ZNF675: variants seen among roughly 807,000 people sequenced by gnomAD.
The protein encoded by ZNF675 is TRAF6 inhibitory zinc finger.
In ZNF675, 36 loss-of-function variants were observed where a neutral mutation model predicts 56.1. The ratio of observed to expected loss-of-function variants is 0.64; its 90% CI spans 0.49 to 0.85. ZNF675 has a LOEUF of 0.85. Among genes scored for constraint, ZNF675 ranks in the 40% least tolerant of loss-of-function variants. ZNF675 has a pLI of 0.00. For synonymous variants in ZNF675, 200 were observed against 218.9 expected, an observed-to-expected ratio of 0.91 and a Z score of 0.76; for missense variants, 663 against 654.2, an observed-to-expected ratio of 1.01 and a Z score of -0.15.
At chr19:23,675,785 AG>A (rs2085011638) in intron 1 of ZNF675, among the ~76,000 whole-genome samples, 1 of 151,684 alleles carries the variant, frequency 6.6e-6, no homozygotes, top group African/African-American at 2.4e-5. Flanking sequence ...CCTAAATAAA[AG>A]AATGAGAGAA....
chr19:23,654,271 AT>A lies in ZNF675; in HGVS notation c.661del (p.Ile221PhefsTer56). ...QSSKLTKHKR[I>X]YTCEKLYKCQ... ...TTTGTAGAGTTTCTCACAAGTATAA[AT>A]TCTTTTATGTTTAGTAAGCTTTGAA... On this transcript the variant is annotated frameshift_variant, in exon 4 of 4. Transcript: ENST00000359788. LOFTEE classifies it high-confidence loss of function. The A allele has an allele frequency of 6.2e-7, 1 of 1,612,614 alleles. No individual in the cohort carries two copies. Among genetic ancestry groups the A allele is most frequent in the Non-Finnish European group, 8.5e-7 (1 of 1,179,698 alleles).
chr19:23,683,858 G>T (rs1021062052), intron 1 of ZNF675, among the ~76,000 whole-genome samples: 14 of 151,060 alleles, frequency 9.3e-5, no homozygotes, highest in African/African-American at 3.4e-4. Context: ...TTAACAAATA[G>T]AATATATAAT....
intron 1 of ZNF675, among the ~76,000 whole-genome samples, chr19:23,677,077 A>G (rs1211501128): frequency 5.6e-5 from 1 of 17,930 alleles, no homozygotes; most frequent in Non-Finnish European, 1.7e-4. Context: ...ACTGTCTCAG[A>G]AAAAAAAAAA....
intron 3 of ZNF675, among the ~76,000 whole-genome samples, chr19:23,659,450 A>G (rs1264529399): frequency 6.6e-6 from 1 of 152,142 alleles, no homozygotes; most frequent in African/African-American, 2.4e-5. Flanking sequence ...TCACACCTGT[A>G]ATGAAAGATA....
Position 23,662,189 on chromosome 19 carries a change from C to G in ZNF675, c.151G>C (p.Asp51His). The change falls in exon 3 of 4, where the codon GAC becomes CAC. Residue 51 changes from aspartate to histidine, a missense_variant. Transcript: ENST00000359788. ...VFLGIAVSKQ[D>H]LITCLEQEKE... ...TCTTGCTCCAGACAGGTGATCAGGT[C>G]TTGCTTAGAGACAGCAATACCTGTT... 1.9e-6 allele frequency: 3 copies of G among 1,612,178 alleles called. No individual in the cohort carries two copies. Among genetic ancestry groups the G allele is most frequent in the Non-Finnish European group, 2.5e-6 (3 of 1,179,186 alleles).
At chr19:23,665,514 G>A (rs934919337) in intron 1 of ZNF675, among the ~76,000 whole-genome samples, 3 of 151,936 alleles carry the variant, frequency 2.0e-5, no homozygotes, top group African/African-American at 7.3e-5. Flanking sequence ...GTGTGTGTGT[G>A]TGATGGAGTG....
At chr19:23,666,192 C>T (rs1020773097) in intron 1 of ZNF675, among the ~76,000 whole-genome samples, 4 of 152,226 alleles carry the variant, frequency 2.6e-5, no homozygotes, top group African/African-American at 9.6e-5. Context: ...CAAATCCCCA[C>T]CTTTTCTGTG....
intron 1 of ZNF675, among the ~76,000 whole-genome samples, chr19:23,676,102 G>C (rs373879041): frequency 6.6e-6 from 1 of 151,176 alleles, no homozygotes; most frequent in East Asian, 1.9e-4. Flanking sequence ...AAATAATCTA[G>C]AAGAAATGAA....
intron 3 of ZNF675, chr19:23,656,623 C>T (rs112878819): frequency 0.54 from 81,240 of 149,382 alleles, 23,281 homozygotes; most frequent in Middle Eastern, 0.67. Flanking sequence ...TATACACACA[C>T]ACACACACAC....
intron 3 of ZNF675, among the ~76,000 whole-genome samples, chr19:23,658,844 T>G (rs186550212): frequency 9.7e-6 from 1 of 103,328 alleles, no homozygotes; most frequent in African/African-American, 3.4e-5. Context: ...TATATAGATA[T>G]ATCTATATAG....
intron 1 of ZNF675, among the ~76,000 whole-genome samples, chr19:23,682,598 G>T (rs1046159677): frequency 2.0e-5 from 3 of 151,710 alleles, no homozygotes; most frequent in African/African-American, 2.4e-5. Context: ...GCTGGGGTGA[G>T]CAGGCTGACA....
At chr19:23,678,925 G>A (rs1344906146) in intron 1 of ZNF675, among the ~76,000 whole-genome samples, 2 of 151,596 alleles carry the variant, frequency 1.3e-5, no homozygotes, top group African/African-American at 2.4e-5. Context: ...CCAGCACTTT[G>A]GAAGGCCGAG....
Position 23,663,094 on chromosome 19 carries a change from G to C in ZNF675, c.68C>G (p.Thr23Ser), listed in dbSNP as rs1345194262. 23 of 1,610,562 alleles carry C rather than the reference G, an allele frequency of 1.4e-5. No homozygotes were observed. Among genetic ancestry groups the C allele is most frequent in the Non-Finnish European group, 1.9e-5 (22 of 1,178,576 alleles). The part of the protein sequence containing the change: ...FSLEEWQCLD[T>S]AQRNLYKNVI... ...ATTTTTATATAAATTCCGCTGTGCA[G>C]TGTCCAGGCATTGCCATTCTTCCAG... The change falls in exon 2 of 4, where the codon ACT (threonine) becomes AGT (serine). Residue 23 changes from threonine (T) to serine (S), a missense_variant. By Grantham distance (58) the Thr-to-Ser change is moderately conservative. This residue lies in a region of ZNF675 where 33 missense variants were observed against 31.8 expected (regional missense o/e 1.04). Transcript: ENST00000359788.
intron 1 of ZNF675, among the ~76,000 whole-genome samples, chr19:23,676,092 A>T (rs1968291001): frequency 6.6e-6 from 1 of 151,592 alleles, no homozygotes; most frequent in Non-Finnish European, 1.5e-5. Context: ...CACAGTAACT[A>T]AATAATCTAG....
In ZNF675 at chr19:23,653,917, G is replaced by A. The variant is rs777897862; in HGVS notation, c.1016C>T (p.Pro339Leu). Reference protein sequence around the residue: ...THKRIHTGEKPYKCEECGKAF... With the variant: ...THKRIHTGEKLYKCEECGKAF... ...TTTTCCACATTCTTCACATTTGTAG[G>A]GTTTTTCTCCAGTATGAATTCTCTT... The change falls in exon 4 of 4, where the codon CCC (proline) becomes CTC (leucine). Residue 339 changes from proline (P) to leucine (L), a missense_variant. By Grantham distance (98) the Pro-to-Leu change is moderately conservative. Around this residue, in one of 3 missense-constraint regions of ZNF675, gnomAD observed 617 missense variants for 590.5 expected, o/e 1.04. Transcript: ENST00000359788. 1.2e-6 allele frequency: 2 copies of A among 1,613,334 alleles called. No homozygotes were observed. Among genetic ancestry groups the A allele is most frequent in the Non-Finnish European group, 1.7e-6 (2 of 1,179,504 alleles).
intron 3 of ZNF675, among the ~76,000 whole-genome samples, chr19:23,661,208 G>C (rs10410066): frequency 0.13 from 19,622 of 152,008 alleles, 1,465 homozygotes; most frequent in East Asian, 0.22. Flanking sequence ...TCACAAAGCA[G>C]TTTCTCAGAA....
intron 1 of ZNF675, among the ~76,000 whole-genome samples, chr19:23,663,493 GACCC>G (rs1302587242): frequency 2.0e-5 from 3 of 152,210 alleles, no homozygotes; most frequent in African/African-American, 7.2e-5. Flanking sequence ...GGAGTTCCAA[GACCC>G]ACCTGACCAA....
chr19:23,670,723 G>A (rs1968217559), intron 1 of ZNF675, among the ~76,000 whole-genome samples: 1 of 152,072 alleles, frequency 6.6e-6, no homozygotes, highest in Non-Finnish European at 1.5e-5. Context: ...TAACTGATAC[G>A]CAACAATGTA....
chr19:23,679,045 T>C (rs1968339866), intron 1 of ZNF675, among the ~76,000 whole-genome samples: 1 of 150,410 alleles, frequency 6.6e-6, no homozygotes. Flanking sequence ...CAGGCACCTG[T>C]AGTCCCAGCT....
Sources: allele counts gnomAD v4.1 joint callset (sites outside exome capture counted in the v4.1 genomes callset), GRCh38; gene constraint gnomAD v4.1.1; regional missense constraint gnomAD v4.1.1; transcripts MANE v1.5; gene names NCBI Gene and HGNC (gene_info 2026-07-23, HGNC 2026-07-21).